The following STAG1 variants were observed in gnomAD, a reference collection of about 807,000 sequenced individuals.
STAG1 encodes STAG1 cohesin complex component.
A neutral mutation model predicts 170.9 loss-of-function variants in STAG1; 26 were observed. The ratio of observed to expected loss-of-function variants is 0.15; its 90% CI spans 0.11 to 0.21. The LOEUF (loss-of-function observed/expected upper bound fraction) is 0.21. STAG1 is among the 10% of genes least tolerant of loss of function. The pLI, the probability that STAG1 is intolerant of heterozygous loss-of-function variation, is 1.00. For synonymous variants in STAG1, 514 were observed against 497.7 expected (o/e 1.03, Z -0.44); for missense variants, 964 against 1,509.5 (o/e 0.64, Z 5.99).
chr3:136,477,718 T>A (rs1553728754), intron 9 of STAG1, among the ~76,000 whole-genome samples: 1 of 152,168 alleles, frequency 6.6e-6, no homozygotes, highest in Non-Finnish European at 1.5e-5. Flanking sequence ...AGAAACATGT[T>A]AAACTTTCTA....
chr3:136,560,414 A>G (rs1481741584), intron 5 of STAG1, among the ~76,000 whole-genome samples: 1 of 152,256 alleles, frequency 6.6e-6, no homozygotes, highest in Non-Finnish European at 1.5e-5. Context: ...TATATGGAGA[A>G]CATATCTTCA....
At chr3:136,586,346 T>C (rs1937821228) in intron 4 of STAG1, among the ~76,000 whole-genome samples, 1 of 152,102 alleles carries the variant, frequency 6.6e-6, no homozygotes, top group Non-Finnish European at 1.5e-5. Flanking sequence ...TATAAAATTC[T>C]ATATATATAG....
chr3:136,459,941 C>T (rs2089227885), intron 13 of STAG1, among the ~76,000 whole-genome samples: 1 of 151,902 alleles, frequency 6.6e-6, no homozygotes, highest in South Asian at 2.1e-4. Context: ...TGAAAGGTAT[C>T]AAGGAACTAG....
intron 1 of STAG1, among the ~76,000 whole-genome samples, chr3:136,664,013 T>G (rs904586167): frequency 4.6e-5 from 7 of 152,164 alleles, no homozygotes; most frequent in Admixed American, 4.6e-4. Context: ...CATGTAAAAT[T>G]TGCATTCCAA....
chr3:136,639,996 C>A (rs1296215024), intron 1 of STAG1, among the ~76,000 whole-genome samples: 1 of 152,174 alleles, frequency 6.6e-6, no homozygotes, highest in Non-Finnish European at 1.5e-5. Context: ...ATCTAATCAA[C>A]CCCCTTTCCA....
intron 15 of STAG1, among the ~76,000 whole-genome samples, chr3:136,440,765 G>T (rs942238679): frequency 2.0e-5 from 3 of 151,924 alleles, no homozygotes; most frequent in Non-Finnish European, 4.4e-5. Flanking sequence ...TGAGGTGGGA[G>T]GACTACTTGA....
intron 12 of STAG1, among the ~76,000 whole-genome samples, chr3:136,470,573 T>A (rs1296107098): frequency 6.6e-6 from 1 of 152,204 alleles, no homozygotes; most frequent in South Asian, 2.1e-4. Flanking sequence ...TGGAAGACAG[T>A]GTGGCGATTC....
intron 3 of STAG1, among the ~76,000 whole-genome samples, chr3:136,616,646 T>C (rs563648674): frequency 2.6e-5 from 4 of 152,266 alleles, no homozygotes; most frequent in African/African-American, 9.6e-5. Flanking sequence ...CAGTGCCTCA[T>C]GCCTGTAATC....
chr3:136,659,041 T>C (rs1466065527), intron 1 of STAG1, among the ~76,000 whole-genome samples: 1 of 152,150 alleles, frequency 6.6e-6, no homozygotes, highest in Non-Finnish European at 1.5e-5. Flanking sequence ...ACGCTATTCC[T>C]GGTTTTACCA....
chr3:136,559,557 G>A (rs952241195), intron 5 of STAG1, among the ~76,000 whole-genome samples: 2 of 152,178 alleles, frequency 1.3e-5, no homozygotes, highest in African/African-American at 4.8e-5. Flanking sequence ...CTAACTCCCG[G>A]TCAGTCACTT....
At chr3:136,539,108 T>C (rs1198856761) in intron 6 of STAG1, among the ~76,000 whole-genome samples, 1 of 150,154 alleles carries the variant, frequency 6.7e-6, no homozygotes, top group Non-Finnish European at 1.5e-5. Flanking sequence ...CACTCTAGCC[T>C]GGGCGACAGA....
At chr3:136,357,104 C>T (rs1418039052) in intron 28 of STAG1, among the ~76,000 whole-genome samples, 4 of 152,018 alleles carry the variant, frequency 2.6e-5, no homozygotes, top group South Asian at 2.1e-4. Flanking sequence ...CCCGCCACCA[C>T]GCCCGGCTAA....
At chr3:136,353,479 T>C (rs1047174422) in intron 28 of STAG1, among the ~76,000 whole-genome samples, 8 of 152,184 alleles carry the variant, frequency 5.3e-5, no homozygotes, top group Non-Finnish European at 8.8e-5. Context: ...AGTAATTCAC[T>C]ACATACAAAG....
chr3:136,623,378 C>G, intron 2 of STAG1, 130 bp from the exon 3 acceptor site: 1 of 646,176 alleles, frequency 1.5e-6, no homozygotes, highest in Non-Finnish European at 2.5e-6. Flanking sequence ...GAGAAACTCT[C>G]TAGCAAACTA....
chr3:136,623,072 A>T, intron 3 of STAG1, 74 bp downstream of exon 3: 3 of 1,282,840 alleles, frequency 2.3e-6, no homozygotes, highest in Non-Finnish European at 3.3e-6. Context: ...TACTAGCACT[A>T]GAATTAACAA....
rs377343556 is a variant in STAG1, at chr3:136,737,541, C to T, written c.-84+14654G>A. Among the ~76,000 whole-genome samples the T allele has an allele frequency of 5.3e-5, 8 of 152,284 alleles. No individual in the cohort carries two copies. In the East Asian group the frequency reaches 1.2e-3, roughly 22 times the overall value. ...GCATGGGCCATCATGCCAGGCCTTG[C>T]CTCTGCATTTTATGTTCACTTTTTC... On this transcript the variant is annotated intron_variant, in intron 1 of 33. Transcript: ENST00000383202.
At chr3:136,573,532 A>C (rs1038997278) in intron 4 of STAG1, among the ~76,000 whole-genome samples, 2 of 152,242 alleles carry the variant, frequency 1.3e-5, no homozygotes, top group African/African-American at 4.8e-5. Flanking sequence ...TCCTGAAGAA[A>C]GATGAAAAAG....
At chr3:136,539,394 C>A (rs1935787814) in intron 6 of STAG1, among the ~76,000 whole-genome samples, 1 of 152,012 alleles carries the variant, frequency 6.6e-6, no homozygotes, top group African/African-American at 2.4e-5. Context: ...TAAGTTATCA[C>A]GGGAGAAGAG....
intron 1 of STAG1, among the ~76,000 whole-genome samples, chr3:136,691,093 T>C (rs947473544): frequency 2.0e-5 from 3 of 150,850 alleles, no homozygotes; most frequent in Non-Finnish European, 4.4e-5. Flanking sequence ...AGCCCAGGAG[T>C]TCGAGACCAG....
Sources: allele counts gnomAD v4.1 joint callset (sites outside exome capture counted in the v4.1 genomes callset), GRCh38; gene constraint gnomAD v4.1.1; transcripts MANE v1.5; gene names NCBI Gene and HGNC (gene_info 2026-07-23, HGNC 2026-07-21).